PCDH15: variants seen among roughly 807,000 people sequenced by gnomAD.
PCDH15 encodes the protein protocadherin related 15.
In PCDH15, 129 loss-of-function variants were observed where a neutral mutation model predicts 178.5. The observed-to-expected ratio is 0.72, with a 90% CI of 0.63 to 0.84. The LOEUF is 0.84. Ranked by LOEUF, PCDH15 falls within the 40% of genes least tolerant of loss-of-function variation. PCDH15 has a pLI of 0.00. For missense variants in PCDH15, 2,230 were observed against 2,099.9 expected (o/e 1.06, Z -1.21); for synonymous variants, 800 against 732.0 (o/e 1.09, Z -1.50).
At chr10:55,029,706 T>C (rs1840561874) in intron 2 of PCDH15, among the ~76,000 whole-genome samples, 2 of 152,148 alleles carry the variant, frequency 1.3e-5, no homozygotes, top group African/African-American at 4.8e-5. Flanking sequence ...TTCTTGTGTA[T>C]TTGAATTCGT....
At chr10:54,264,272 A>G (rs2057524287) in intron 8 of PCDH15, among the ~76,000 whole-genome samples, 1 of 152,144 alleles carries the variant, frequency 6.6e-6, no homozygotes, top group Admixed American at 6.5e-5. Context: ...TACAAACCCC[A>G]TCTAAATGAA....
intron 3 of PCDH15, among the ~76,000 whole-genome samples, chr10:54,825,987 A>C (rs1358336596): frequency 9.2e-5 from 14 of 152,118 alleles, no homozygotes; most frequent in Non-Finnish European, 2.9e-5. Flanking sequence ...TATGCCATTA[A>C]TTTAAAATTT....
At chr10:54,633,247 G>T (rs1248022509) in intron 2 of PCDH15, among the ~76,000 whole-genome samples, 2 of 152,044 alleles carry the variant, frequency 1.3e-5, no homozygotes, top group African/African-American at 4.8e-5. Flanking sequence ...GAGTAAAGGG[G>T]CATCCACTGG....
At chr10:54,860,364 C>A (rs1953818015) in intron 3 of PCDH15, among the ~76,000 whole-genome samples, 1 of 152,040 alleles carries the variant, frequency 6.6e-6, no homozygotes, top group Non-Finnish European at 1.5e-5. Flanking sequence ...GTGGTATACC[C>A]AATGCTTAGC....
At chr10:55,299,786 C>A (rs900519002) in intron 1 of PCDH15, among the ~76,000 whole-genome samples, 1 of 152,020 alleles carries the variant, frequency 6.6e-6, no homozygotes, top group Non-Finnish European at 1.5e-5. Context: ...ATAATTGAAC[C>A]AAATGGCAAC....
chr10:55,508,565 C>G (rs919743841), intron 2 of PCDH15, among the ~76,000 whole-genome samples: 5 of 151,686 alleles, frequency 3.3e-5, no homozygotes, highest in South Asian at 4.1e-4. Flanking sequence ...ATGAGATTAA[C>G]CATACACATA....
chr10:53,926,191 A>G (rs923984329), intron 25 of PCDH15, among the ~76,000 whole-genome samples: 10 of 152,196 alleles, frequency 6.6e-5, no homozygotes, highest in South Asian at 4.2e-4. Flanking sequence ...TATTTATCCA[A>G]TTCTTTTTAG....
intron 25 of PCDH15, among the ~76,000 whole-genome samples, chr10:53,928,467 C>T (rs973719613): frequency 2.0e-5 from 3 of 151,964 alleles, no homozygotes; most frequent in African/African-American, 7.2e-5. Context: ...ATGGGGATAG[C>T]CAATGCCTAC....
chr10:55,164,331 T>C (rs1374301179), intron 2 of PCDH15, among the ~76,000 whole-genome samples: 2 of 151,798 alleles, frequency 1.3e-5, no homozygotes, highest in African/African-American at 2.4e-5. Flanking sequence ...TTTTGGTCAA[T>C]GTTTTGTTTC....
chr10:55,099,051 C>A, intron 2 of PCDH15, among the ~76,000 whole-genome samples: 1 of 152,006 alleles, frequency 6.6e-6, no homozygotes, highest in African/African-American at 2.4e-5. Context: ...GTGTTTACCC[C>A]AGACAGTGAT....
At chr10:53,989,348 T>C (rs1414214789) in intron 21 of PCDH15, among the ~76,000 whole-genome samples, 1 of 152,186 alleles carries the variant, frequency 6.6e-6, no homozygotes, top group Non-Finnish European at 1.5e-5. Flanking sequence ...CCTTTAGCTC[T>C]GGTAAGTATG....
At chr10:55,368,158 TTCTC>T (rs1845412806) in intron 2 of PCDH15, among the ~76,000 whole-genome samples, 1 of 152,142 alleles carries the variant, frequency 6.6e-6, no homozygotes, top group South Asian at 2.1e-4. Flanking sequence ...TTTATTCTCA[TTCTC>T]TCTCACTCTC....
rs752144255 is a variant in PCDH15 at position 53,853,217 on chromosome 10, T to TA, written c.3806+3957dup. On this transcript the variant is annotated intron_variant, in intron 28 of 37. Transcript: ENST00000644397. Reference sequence around the variant, plus strand: ...ATTGAAAAAATGGAATATCCATATGTAAAAAAAAAAAGGCTGGACCCTTAT... The same window carrying TA: ...ATTGAAAAAATGGAATATCCATATGTAAAAAAAAAAAAGGCTGGACCCTTAT... 7.0e-3 allele frequency among the ~76,000 whole-genome samples: 998 copies of TA among 142,150 alleles called. 9 individuals are homozygous for TA. Among genetic ancestry groups the TA allele is most frequent in the Non-Finnish European group, 0.011 (722 of 64,514 alleles). The allele number at this position is 142,150 out of a possible 152,430, so 93.3% of individuals were successfully genotyped here. A position where few individuals can be genotyped will look rare whatever the true frequency, so the allele number is the denominator to read the frequency against.
intron 15 of PCDH15, among the ~76,000 whole-genome samples, chr10:54,114,885 G>A (rs1260868371): frequency 6.6e-6 from 1 of 152,148 alleles, no homozygotes; most frequent in Non-Finnish European, 1.5e-5. Context: ...AGGAGATGAG[G>A]TCAGGTAGCT....
At chr10:54,934,291 A>G (rs1837851254) in intron 2 of PCDH15, among the ~76,000 whole-genome samples, 1 of 152,180 alleles carries the variant, frequency 6.6e-6, no homozygotes, top group Admixed American at 6.6e-5. Context: ...AAAACACATG[A>G]CATGAGAGAG....
At chr10:55,195,553 G>A (rs1302844141) in intron 1 of PCDH15, among the ~76,000 whole-genome samples, 1 of 150,290 alleles carries the variant, frequency 6.7e-6, no homozygotes, top group African/African-American at 2.5e-5. Context: ...CTACTCCGGA[G>A]GCTGAGGCAG....
At chr10:53,925,110 G>A (rs1210032236) in intron 25 of PCDH15, among the ~76,000 whole-genome samples, 1 of 152,102 alleles carries the variant, frequency 6.6e-6, no homozygotes, top group African/African-American at 2.4e-5. Flanking sequence ...AACCAGCTGG[G>A]GTCCTCTTCC....
At chr10:54,075,487 A>G (rs1006736088) in intron 17 of PCDH15, among the ~76,000 whole-genome samples, 1 of 152,024 alleles carries the variant, frequency 6.6e-6, no homozygotes, top group African/African-American at 2.4e-5. Flanking sequence ...TGTGTCTTTG[A>G]CACCCCTTTA....
intron 2 of PCDH15, among the ~76,000 whole-genome samples, chr10:54,982,345 C>A (rs1008912819): frequency 1.3e-5 from 2 of 152,104 alleles, no homozygotes; most frequent in Non-Finnish European, 2.9e-5. Context: ...TTAAACCTAA[C>A]ATATGAGTAG....
Sources: allele counts gnomAD v4.1 joint callset (sites outside exome capture counted in the v4.1 genomes callset), GRCh38; gene constraint gnomAD v4.1.1; transcripts MANE v1.5; gene names NCBI Gene and HGNC (gene_info 2026-07-23, HGNC 2026-07-21).